Variants in ATP7B observed in about 807,000 individuals in gnomAD.
ATP7B encodes ATPase copper transporting beta.
A neutral mutation model predicts 118.9 loss-of-function variants in ATP7B; 113 were observed. That is an observed-to-expected ratio of 0.95 (90% confidence interval 0.82 to 1.11). The LOEUF (loss-of-function observed/expected upper bound fraction) is 1.11. Ranked by LOEUF, ATP7B falls within the 50% of genes most tolerant of loss-of-function variation. The pLI is 0.00. For missense variants in ATP7B, 1,867 were observed against 1,871.4 expected, an observed-to-expected ratio of 1.00 and a Z score of 0.04; for synonymous variants, 777 against 727.4, an observed-to-expected ratio of 1.07 and a Z score of -1.10.
At chr13:51,962,333 G>A (rs1958805003) in intron 5 of ATP7B, among the ~76,000 whole-genome samples, 1 of 152,186 alleles carries the variant, frequency 6.6e-6, no homozygotes, top group Non-Finnish European at 1.5e-5. Flanking sequence ...CAGGCTTCTT[G>A]CCACTGCGGC....
At chr13:51,938,876 C>A (rs1957138334) in intron 17 of ATP7B, among the ~76,000 whole-genome samples, 175 bp downstream of exon 17, 1 of 152,226 alleles carries the variant, frequency 6.6e-6, no homozygotes, top group African/African-American at 2.4e-5. Flanking sequence ...TCGCACAGCA[C>A]CACAGTGCTC....
chr13:51,934,780 G>A lies in ATP7B; in HGVS notation c.4374C>T (p.Gly1458=). ...DGDKWSLLLN[G]RDEEQYI ...ATCAGATGTACTGCTCCTCATCCCT[G>A]CCATTCAGGAGCAGAGACCACTTGT... The change falls in exon 21 of 21, where the codon GGC becomes GGT. Residue 1458 remains glycine (G), a synonymous_variant. Coordinates refer to ENST00000242839, the MANE Select transcript of ATP7B (RefSeq NM_000053.4). 1 of 1,613,960 alleles carries A rather than the reference G, an allele frequency of 6.2e-7. No individual in the cohort carries two copies. Among genetic ancestry groups the A allele is most frequent in the African/African-American group, 1.3e-5 (1 of 75,062 alleles).
chr13:51,990,233 C>G (rs1056362056), intron 1 of ATP7B, among the ~76,000 whole-genome samples: 1 of 151,992 alleles, frequency 6.6e-6, no homozygotes, highest in African/African-American at 2.4e-5. Context: ...TGCCTAATTG[C>G]TCTTCAAAAA....
chr13:51,994,825 C>T (rs928761664), intron 1 of ATP7B, among the ~76,000 whole-genome samples: 3 of 152,204 alleles, frequency 2.0e-5, no homozygotes, highest in Non-Finnish European at 2.9e-5. Context: ...ACCCTGTACA[C>T]ACCACCAGTC....
At position 51,970,540 on chromosome 13, in the gene ATP7B, A is replaced by G. The variant is rs749968753; in HGVS notation, c.1495T>C (p.Cys499Arg). Reference sequence around the variant, plus strand: ...TCTATGTTAGACACACAGGATGCACAGGTCATGCCTTTGATCTGTAAGAAG... The same window carrying G: ...TCTATGTTAGACACACAGGATGCACGGGTCATGCCTTTGATCTGTAAGAAG... ...KCFLQIKGMTCASCVSNIERN... is the reference protein window; with the variant it reads ...KCFLQIKGMTRASCVSNIERN... The change falls in exon 3 of 21, where the codon TGT becomes CGT. Residue 499 changes from cysteine (C) to arginine (R), a missense_variant. Cys to Arg is a radical substitution (Grantham distance 180). Transcript: ENST00000242839. The G allele has an allele frequency of 6.2e-7, 1 of 1,614,190 alleles. No homozygotes were observed. The highest frequency in any genetic ancestry group is 8.5e-7 in the Non-Finnish European group (1 of 1,180,026).
chr13:51,957,975 T>C (rs2139517447), intron 8 of ATP7B: 1 of 463,932 alleles, frequency 2.2e-6, no homozygotes, highest in Non-Finnish European at 4.0e-6. Flanking sequence ...AAAAATGGCA[T>C]GACCTTGAGG....
chr13:51,967,459 TC>T (rs1951619111), intron 4 of ATP7B, among the ~76,000 whole-genome samples: 1 of 152,228 alleles, frequency 6.6e-6, no homozygotes, highest in Non-Finnish European at 1.5e-5. Context: ...GGCAGAGATG[TC>T]CACATGTAGA....
intron 13 of ATP7B, 71 bp from the exon 14 acceptor site, chr13:51,944,362 C>G: frequency 6.3e-7 from 1 of 1,583,334 alleles, no homozygotes; most frequent in South Asian, 1.1e-5. Flanking sequence ...ACTCCTGAGG[C>G]AGAACTTCAC....
intron 4 of ATP7B, among the ~76,000 whole-genome samples, chr13:51,965,700 C>T (rs2139803354): frequency 6.6e-6 from 1 of 152,284 alleles, no homozygotes; most frequent in East Asian, 1.9e-4. Context: ...AAAAGCCAGG[C>T]TTCTCTGGAC....
chr13:51,951,167 C>T (rs1365372964), intron 9 of ATP7B, among the ~76,000 whole-genome samples: 4 of 151,776 alleles, frequency 2.6e-5, no homozygotes, highest in Admixed American at 2.6e-4. Context: ...ATGGAAGTAA[C>T]CTGGACTACA....
chr13:51,995,560 C>T (rs1358040143), intron 1 of ATP7B, among the ~76,000 whole-genome samples: 1 of 152,186 alleles, frequency 6.6e-6, no homozygotes, highest in Non-Finnish European at 1.5e-5. Flanking sequence ...TCGCTGAGTT[C>T]ACGGCCACGG....
chr13:51,950,431 C>G lies in ATP7B; in HGVS notation c.2448-32G>C, dbSNP rs1222684687. ...CAAACGCCACTTATCACTCACATGG[C>G]CACTCATTCGGTCACCGGGTCAGGT... On this transcript the variant is annotated intron_variant, in intron 9 of 20. Coordinates refer to ENST00000242839, the MANE Select transcript of ATP7B (RefSeq NM_000053.4). 8 of 1,612,518 alleles carry G rather than the reference C, an allele frequency of 5.0e-6. No homozygotes were observed. The African/African-American group carries it at 9.3e-5, about 19-fold the overall frequency.
intron 1 of ATP7B, chr13:51,975,440 G>A (rs534097398): frequency 4.4e-5 from 27 of 618,170 alleles, no homozygotes; most frequent in African/African-American, 4.1e-4. Context: ...CTGAGGGAAA[G>A]AAGGAAAGCA....
chr13:52,005,909 ATGGCCGTAACGCCCACGC>A (rs1203533084), intron 1 of ATP7B, among the ~76,000 whole-genome samples: 1 of 152,230 alleles, frequency 6.6e-6, no homozygotes, highest in African/African-American at 2.4e-5. Context: ...AATGTTCATG[ATGGCCGTAACGCCCACGC>A]TGGAAGGTTG....
chr13:51,955,359 G>T (rs904365226), intron 9 of ATP7B, among the ~76,000 whole-genome samples: 3 of 152,186 alleles, frequency 2.0e-5, no homozygotes, highest in African/African-American at 7.2e-5. Context: ...GTTGGGCTCG[G>T]GGTGTGCTGT....
chr13:51,977,584 T>G (rs1952186649), intron 1 of ATP7B, among the ~76,000 whole-genome samples: 1 of 145,676 alleles, frequency 6.9e-6, no homozygotes, highest in Non-Finnish European at 1.5e-5. Flanking sequence ...TACAGTTAAC[T>G]TTTTCTTTTT....
intron 1 of ATP7B, among the ~76,000 whole-genome samples, chr13:51,982,033 T>A (rs1002918601): frequency 3.4e-4 from 51 of 149,826 alleles, no homozygotes; most frequent in African/African-American, 1.1e-3. Context: ...TAGCTCATCA[T>A]CTATTATTAG....
intron 15 of ATP7B, 28 bp from the exon 16 acceptor site, chr13:51,941,252 T>C: frequency 1.9e-6 from 3 of 1,613,344 alleles, no homozygotes; most frequent in East Asian, 2.2e-5. Context: ...TGGTTATTTC[T>C]AAATGGTCCA....
intron 1 of ATP7B, among the ~76,000 whole-genome samples, chr13:51,983,253 G>C (rs578189771): frequency 6.6e-6 from 1 of 152,308 alleles, no homozygotes; most frequent in South Asian, 2.1e-4. Context: ...CATTACTGAG[G>C]CTTGAGCAGG....
Sources: allele counts gnomAD v4.1 joint callset (sites outside exome capture counted in the v4.1 genomes callset), GRCh38; gene constraint gnomAD v4.1.1; transcripts MANE v1.5; gene names NCBI Gene and HGNC (gene_info 2026-07-23, HGNC 2026-07-21).